The following CRB1 variants were observed in gnomAD, a reference collection of about 807,000 sequenced individuals.
CRB1 encodes the protein protein crumbs homolog 1.
Under a neutral mutation model 120.0 loss-of-function variants are expected in CRB1, and 83 were observed. That is an observed-to-expected ratio of 0.69 (90% confidence interval 0.58 to 0.83). CRB1 has a LOEUF of 0.83. Ranked by LOEUF, CRB1 falls within the 40% of genes least tolerant of loss-of-function variation. The pLI is 0.00. For synonymous variants in CRB1, 625 were observed against 612.5 expected (o/e 1.02, Z -0.30); for missense variants, 1,699 against 1,687.6 (o/e 1.01, Z -0.12).
intron 1 of CRB1, among the ~76,000 whole-genome samples, chr1:197,268,759 T>C (rs1324531009): frequency 1.3e-5 from 2 of 152,198 alleles, no homozygotes; most frequent in East Asian, 3.9e-4. Flanking sequence ...AATGGTCACA[T>C]AGACTAGAAG....
Position 197,478,205 on chromosome 1 carries a change from A to C in CRB1, c.*326A>C. ...CTTTCCTCTTTTCAACCTGGGAACA[A>C]ATTTTAGTTTTCATTTTAGGTTTCT... On this transcript the variant is annotated 3_prime_UTR_variant, in exon 12 of 12. Transcript: ENST00000367400. 1 of 340,304 alleles carries C rather than the reference A, an allele frequency of 2.9e-6. No individual in the cohort carries two copies. The highest frequency in any genetic ancestry group is 5.6e-6 in the Non-Finnish European group (1 of 179,504). The allele number at this position is 340,304 out of a possible 1,614,324, so 21.1% of individuals were successfully genotyped here.
chr1:197,429,343 T>C (rs1333497639), intron 7 of CRB1, 106 bp from the exon 8 acceptor site: 4 of 1,432,078 alleles, frequency 2.8e-6, no homozygotes, highest in Non-Finnish European at 3.9e-6. Flanking sequence ...AATGTAAAGA[T>C]GCAGGGAAAT....
intron 2 of CRB1, among the ~76,000 whole-genome samples, chr1:197,332,355 G>A (rs928406888): frequency 2.6e-5 from 4 of 152,002 alleles, no homozygotes; most frequent in Admixed American, 2.6e-4. Flanking sequence ...TGCTTTCCTT[G>A]TCAATCCCTG....
chr1:197,283,986 C>T (rs1004592303), intron 1 of CRB1, among the ~76,000 whole-genome samples: 13 of 151,540 alleles, frequency 8.6e-5, no homozygotes, highest in South Asian at 2.1e-4. Flanking sequence ...ATTCAAGAAA[C>T]GAAAGATAGT....
chr1:197,461,461 G>C lies in CRB1; in HGVS notation c.4006-16203G>C, dbSNP rs79520000. On this transcript the variant is annotated intron_variant, in intron 11 of 11. Transcript: ENST00000367400. ...GGGGTGGGTTATGAGAGCCATGAAGGTGATGCACATGTGCATAAAGGGAAA... is the reference window on the plus strand; with the variant it reads ...GGGGTGGGTTATGAGAGCCATGAAGCTGATGCACATGTGCATAAAGGGAAA... Among the ~76,000 whole-genome samples, 1,178 of 152,208 alleles carry C rather than the reference G, an allele frequency of 7.7e-3. 11 individuals are homozygous for C. The highest frequency in any genetic ancestry group is 0.012 in the Non-Finnish European group (783 of 68,002).
chr1:197,417,672 C>G (rs1167440767), intron 5 of CRB1, among the ~76,000 whole-genome samples: 3 of 152,128 alleles, frequency 2.0e-5, no homozygotes, highest in Admixed American at 2.0e-4. Flanking sequence ...TCATAAGTGT[C>G]CCTTATAACA....
At chr1:197,327,120 A>AAAAAAAAAAAAAC (rs1558055695) in intron 1 of CRB1, among the ~76,000 whole-genome samples, 3 of 71,044 alleles carry the variant, frequency 4.2e-5, no homozygotes, top group Non-Finnish European at 1.0e-4. Flanking sequence ...AAAAAAAAAA[A>AAAAAAAAAAAAAC]AAAAAAAAAA....
rs115623877 is a variant in CRB1, at chr1:197,451,179, C to T, written c.4005+8887C>T. 9.6e-3 allele frequency among the ~76,000 whole-genome samples: 1,461 copies of T among 152,224 alleles called. 22 individuals are homozygous for T. The highest frequency in any genetic ancestry group is 0.033 in the African/African-American group (1,375 of 41,530). On this transcript the variant is annotated intron_variant, in intron 11 of 11. Transcript: ENST00000367400. ...AAATAGTGTAGAGAATACTTAAGCA[C>T]TGATTGAAAGAGAGACATGGACCTG...
chr1:197,374,609 TAGAG>T (rs1317168057), intron 5 of CRB1, among the ~76,000 whole-genome samples: 1 of 152,108 alleles, frequency 6.6e-6, no homozygotes, highest in African/African-American at 2.4e-5. Flanking sequence ...TCAGGGGTCA[TAGAG>T]GGAGAGAGCA....
At chr1:197,362,912 A>G (rs1660850025) in intron 5 of CRB1, among the ~76,000 whole-genome samples, 1 of 152,096 alleles carries the variant, frequency 6.6e-6, no homozygotes, top group Non-Finnish European at 1.5e-5. Context: ...GCTTAGCTCT[A>G]TGATTTTATT....
chr1:197,341,594 T>C (rs1659462978), intron 2 of CRB1, among the ~76,000 whole-genome samples: 1 of 152,060 alleles, frequency 6.6e-6, no homozygotes, highest in African/African-American at 2.4e-5. Flanking sequence ...CTAATGTATA[T>C]CTACATTCGC....
chr1:197,201,811 C>T, the CRB1 span, among the ~76,000 whole-genome samples: 3 of 152,100 alleles, frequency 2.0e-5, no homozygotes, highest in Non-Finnish European at 4.4e-5. Flanking sequence ...ATTTTTCTGA[C>T]TTAAACGGTT....
chr1:197,471,121 G>A (rs2125563042), intron 11 of CRB1, among the ~76,000 whole-genome samples: 1 of 152,086 alleles, frequency 6.6e-6, no homozygotes, highest in South Asian at 2.1e-4. Context: ...TTCTGGTATG[G>A]AAATCATATC....
At chr1:197,216,321 A>G in the CRB1 span, among the ~76,000 whole-genome samples, 2 of 152,320 alleles carry the variant, frequency 1.3e-5, no homozygotes, top group South Asian at 4.1e-4. Context: ...TGGAACCAAA[A>G]TATCTATGAG....
chr1:197,227,398 T>C, the CRB1 span, among the ~76,000 whole-genome samples: 7 of 146,654 alleles, frequency 4.8e-5, no homozygotes, highest in African/African-American at 1.1e-4. Context: ...TTTTTCTTTT[T>C]TTTTTTTTTT....
chr1:197,264,610 C>CT (rs1238265615), upstream of CRB1, among the ~76,000 whole-genome samples: 3 of 145,826 alleles, frequency 2.1e-5, no homozygotes, highest in African/African-American at 7.6e-5. Flanking sequence ...ACAGTGCATT[C>CT]TTCTTTTTTT....
At chr1:197,374,231 G>T (rs1661525772) in intron 5 of CRB1, among the ~76,000 whole-genome samples, 1 of 152,118 alleles carries the variant, frequency 6.6e-6, no homozygotes, top group South Asian at 2.1e-4. Context: ...GTTCTCATTA[G>T]GGGTTATAGC....
chr1:197,332,729 C>A (rs563214651), intron 2 of CRB1, among the ~76,000 whole-genome samples: 6 of 152,262 alleles, frequency 3.9e-5, no homozygotes, highest in African/African-American at 1.2e-4. Flanking sequence ...ATTGATGAGT[C>A]TAATGTATAG....
At chr1:197,367,883 G>A (rs1189489254) in intron 5 of CRB1, among the ~76,000 whole-genome samples, 4 of 152,088 alleles carry the variant, frequency 2.6e-5, no homozygotes, top group Non-Finnish European at 5.9e-5. Context: ...CAAAAATATC[G>A]GGTTTCTTAA....
Sources: allele counts gnomAD v4.1 joint callset (sites outside exome capture counted in the v4.1 genomes callset), GRCh38; gene constraint gnomAD v4.1.1; transcripts MANE v1.5; gene names NCBI Gene and HGNC (gene_info 2026-07-23, HGNC 2026-07-21).